CNBD1: variants seen among roughly 807,000 people sequenced by gnomAD.
The protein encoded by CNBD1 is cyclic nucleotide binding domain containing 1.
CNBD1 carries 71 observed loss-of-function variants against 54.4 expected under a neutral mutation model. That is an observed-to-expected ratio of 1.30 (90% confidence interval 1.08 to 1.59). The LOEUF is 1.59. CNBD1 is among the 40% of genes most tolerant of loss of function. The pLI is 0.00. For missense variants in CNBD1, 659 were observed against 518.0 expected (o/e 1.27, Z -2.64); for synonymous variants, 182 against 170.7 (o/e 1.07, Z -0.51).
chr8:87,315,897 T>C (rs986740492), intron 8 of CNBD1, among the ~76,000 whole-genome samples: 3 of 152,078 alleles, frequency 2.0e-5, no homozygotes, highest in African/African-American at 7.2e-5. Context: ...TTTGAGGTGA[T>C]GGATTTCCTA....
intron 8 of CNBD1, among the ~76,000 whole-genome samples, chr8:87,338,646 T>C (rs1301723208): frequency 4.0e-5 from 6 of 151,808 alleles, no homozygotes; most frequent in Admixed American, 3.9e-4. Context: ...TTGAAAAGTA[T>C]ATAGTTAGAT....
intron 4 of CNBD1, among the ~76,000 whole-genome samples, chr8:87,058,267 C>T (rs1235873617): frequency 6.6e-6 from 1 of 152,214 alleles, no homozygotes; most frequent in Non-Finnish European, 1.5e-5. Flanking sequence ...GTACAATCCT[C>T]AGTCCCAGCT....
intron 4 of CNBD1, among the ~76,000 whole-genome samples, chr8:87,007,830 A>G (rs1206520828): frequency 6.6e-6 from 1 of 152,148 alleles, no homozygotes; most frequent in Non-Finnish European, 1.5e-5. Flanking sequence ...AAATTTTCAA[A>G]CATCTAGATA....
chr8:87,065,459 A>T (rs933944405), intron 4 of CNBD1, among the ~76,000 whole-genome samples: 14 of 152,098 alleles, frequency 9.2e-5, no homozygotes, highest in African/African-American at 3.4e-4. Flanking sequence ...ATACAGTTTA[A>T]GGAATTGATA....
intron 4 of CNBD1, among the ~76,000 whole-genome samples, chr8:86,968,876 T>C (rs1808154871): frequency 1.3e-5 from 2 of 152,238 alleles, no homozygotes; most frequent in African/African-American, 2.4e-5. Context: ...CTTTGAGTTC[T>C]ATCTTTTGTC....
chr8:87,297,335 T>TA (rs1221800843), intron 8 of CNBD1, among the ~76,000 whole-genome samples: 2 of 152,112 alleles, frequency 1.3e-5, no homozygotes, highest in Non-Finnish European at 2.9e-5. Context: ...ATTGTACACT[T>TA]ACAGCGTATC....
intron 4 of CNBD1, among the ~76,000 whole-genome samples, chr8:87,107,332 G>A (rs747103726): frequency 2.2e-4 from 34 of 152,130 alleles, no homozygotes; most frequent in Non-Finnish European, 3.5e-4. Flanking sequence ...GTAGGTTCTA[G>A]TAACGTTAAC....
intron 4 of CNBD1, among the ~76,000 whole-genome samples, chr8:87,117,308 A>G (rs1811793187): frequency 6.6e-6 from 1 of 151,608 alleles, no homozygotes; most frequent in Non-Finnish European, 1.5e-5. Flanking sequence ...CTGAGGGACG[A>G]GAATTGCTTA....
chr8:87,427,411 T>G (rs1314071395), intron 2 of CNBD1, among the ~76,000 whole-genome samples: 1 of 152,142 alleles, frequency 6.6e-6, no homozygotes, highest in African/African-American at 2.4e-5. Context: ...CTGTATAAGA[T>G]GGGCTAATAG....
At chr8:87,387,441 G>T (rs1400001992), downstream of CNBD1, among the ~76,000 whole-genome samples, 3 of 152,062 alleles carry the variant, frequency 2.0e-5, no homozygotes, top group East Asian at 5.8e-4. Flanking sequence ...ACAAAAAAAG[G>T]CAGGGGTTGC....
At chr8:87,049,998 TA>T (rs917555058) in intron 4 of CNBD1, among the ~76,000 whole-genome samples, 1 of 152,180 alleles carries the variant, frequency 6.6e-6, no homozygotes, top group South Asian at 2.1e-4. Flanking sequence ...TTCTGAGACA[TA>T]AGGATTGAAT....
intron 4 of CNBD1, among the ~76,000 whole-genome samples, chr8:86,987,771 A>G (rs565747069): frequency 7.2e-5 from 11 of 152,070 alleles, no homozygotes; most frequent in African/African-American, 2.6e-4. Flanking sequence ...TTTTCTTTTA[A>G]TTCTGTTTAT....
chr8:86,925,439 G>T (rs1401923627), intron 3 of CNBD1, among the ~76,000 whole-genome samples: 1 of 150,366 alleles, frequency 6.7e-6, no homozygotes, highest in African/African-American at 2.5e-5. Flanking sequence ...TATTACTCTG[G>T]TTCTAATTAC....
intron 1 of CNBD1, among the ~76,000 whole-genome samples, chr8:86,876,985 A>AG (rs1808530088): frequency 1.3e-5 from 2 of 152,196 alleles, no homozygotes; most frequent in East Asian, 3.9e-4. Flanking sequence ...TTCTATACCT[A>AG]AATCAAATGT....
At chr8:87,220,518 A>G (rs867984935) in intron 5 of CNBD1, among the ~76,000 whole-genome samples, 1 of 98,516 alleles carries the variant, frequency 1.0e-5, no homozygotes, top group Non-Finnish European at 2.2e-5. Flanking sequence ...TTTTTTTTTC[A>G]TTTTTTTGAT....
At chr8:87,268,533 T>C (rs1397663993) in intron 6 of CNBD1, among the ~76,000 whole-genome samples, 1 of 152,124 alleles carries the variant, frequency 6.6e-6, no homozygotes, top group African/African-American at 2.4e-5. Context: ...CCTACACTGC[T>C]CACCACAGTG....
rs963961902 is a variant in CNBD1 at position 87,163,808 on chromosome 8, A to T, written c.432-42185A>T. 6.6e-6 allele frequency among the ~76,000 whole-genome samples: 1 copy of T among 151,818 alleles called. No homozygotes were observed. The highest frequency in any genetic ancestry group is 2.4e-5 in the African/African-American group (1 of 41,424). The stretch of plus-strand genomic sequence containing the variant: ...GATGTCTTTAATTTCTTTTTCTTGT[A>T]TAATTGCTCTCATTAAAACTTTTAC... On this transcript the variant is annotated intron_variant, in intron 4 of 10. Transcript: ENST00000518476. The surrounding 1 kb of genome is among the most constrained non-coding windows in gnomAD (Gnocchi z 4.5).
chr8:87,422,780 C>T (rs931226981), intron 2 of CNBD1, among the ~76,000 whole-genome samples: 5 of 152,050 alleles, frequency 3.3e-5, no homozygotes, highest in Non-Finnish European at 5.9e-5. Flanking sequence ...TCCATATGAA[C>T]TTTAAAGTAG....
At chr8:87,084,316 T>C (rs192547653) in intron 4 of CNBD1, among the ~76,000 whole-genome samples, 1 of 152,348 alleles carries the variant, frequency 6.6e-6, no homozygotes, top group East Asian at 1.9e-4. Context: ...TGTCTGGTAT[T>C]ATAATCCTTC....
Sources: gnomAD v4.1 joint callset for allele counts (sites outside exome capture counted in the v4.1 genomes callset) on GRCh38, gnomAD v4.1.1 for gene constraint, Gnocchi (gnomAD v3.1) non-coding constraint, MANE v1.5 for transcripts, NCBI Gene and HGNC (gene_info 2026-07-23, HGNC 2026-07-21) for gene names.